Variants in ULK4 observed in about 807,000 individuals in gnomAD.
ULK4 encodes the protein inactive serine/threonine-protein kinase ULK4.
Under a neutral mutation model 160.6 loss-of-function variants are expected in ULK4, and 133 were observed. That is an observed-to-expected ratio of 0.83 (90% CI 0.72 to 0.96). ULK4 has a LOEUF of 0.96. Among genes scored for constraint, ULK4 ranks in the 40% least tolerant of loss-of-function variants. ULK4 has a pLI of 0.00. For synonymous variants in ULK4, 534 were observed against 539.8 expected, an observed-to-expected ratio of 0.99 and a Z score of 0.15; for missense variants, 1,580 against 1,499.5, an observed-to-expected ratio of 1.05 and a Z score of -0.89.
At chr3:41,474,696 T>C (rs1043636046) in intron 32 of ULK4, among the ~76,000 whole-genome samples, 7 of 150,484 alleles carry the variant, frequency 4.7e-5, no homozygotes, top group South Asian at 2.1e-4. Context: ...GGAACTTGAA[T>C]AGACATTTCT....
intron 4 of ULK4, among the ~76,000 whole-genome samples, chr3:41,935,254 G>T (rs1210076439): frequency 7.9e-6 from 1 of 125,860 alleles, no homozygotes; most frequent in Non-Finnish European, 1.6e-5. Flanking sequence ...TTGAGACGGA[G>T]TCTTGCTCTG....
At chr3:41,925,503 CAGG>C (rs1044053501) in intron 5 of ULK4, among the ~76,000 whole-genome samples, 1 of 152,164 alleles carries the variant, frequency 6.6e-6, no homozygotes, top group African/African-American at 2.4e-5. Flanking sequence ...AAGCTAGGTG[CAGG>C]AGTTTTTTTT....
At chr3:41,845,000 C>G (rs2042033330) in intron 17 of ULK4, among the ~76,000 whole-genome samples, 1 of 150,444 alleles carries the variant, frequency 6.6e-6, no homozygotes, top group African/African-American at 2.5e-5. Context: ...GAGTCTCGCC[C>G]TGTTGCCCAG....
At chr3:41,378,501 A>C (rs1010712570) in intron 35 of ULK4, among the ~76,000 whole-genome samples, 1 of 152,066 alleles carries the variant, frequency 6.6e-6, no homozygotes, top group African/African-American at 2.4e-5. Flanking sequence ...ATGAAGCTGG[A>C]AACCATCATT....
At chr3:41,555,038 C>A (rs56859950) in intron 32 of ULK4, among the ~76,000 whole-genome samples, 9,277 of 151,896 alleles carry the variant, frequency 0.061, 841 homozygotes, top group African/African-American at 0.2. Context: ...AAAATTCATG[C>A]ATCAGAGTTA....
rs574100376 is a variant in ULK4, at chr3:41,294,290, G to A, written c.3679-44716C>T. Among the ~76,000 whole-genome samples, 201 of 152,286 alleles carry A rather than the reference G, an allele frequency of 1.3e-3. 1 individual carries two copies. The highest frequency in any genetic ancestry group is 0.01 in the Middle Eastern group (3 of 294). On this transcript the variant is annotated intron_variant, in intron 35 of 36. Coordinates refer to ENST00000301831, the MANE Select transcript of ULK4 (RefSeq NM_017886.4). ...CCCTCTGGAGGATGCAACATTCAAG[G>A]TGCCATCTTGGAAGCAGGGACTGGA...
At chr3:41,950,442 C>T (rs922673990) in intron 2 of ULK4, among the ~76,000 whole-genome samples, 1 of 152,118 alleles carries the variant, frequency 6.6e-6, no homozygotes, top group Non-Finnish European at 1.5e-5. Flanking sequence ...AGGGTTTCAC[C>T]GTGTTGGACA....
chr3:41,627,481 A>AG (rs2125698950), intron 30 of ULK4, among the ~76,000 whole-genome samples: 1 of 152,330 alleles, frequency 6.6e-6, no homozygotes, highest in South Asian at 2.1e-4. Flanking sequence ...TTGAGCCCCC[A>AG]TCCGGCAAGG....
chr3:41,465,967 T>C (rs1271178641), intron 32 of ULK4, among the ~76,000 whole-genome samples: 2 of 152,212 alleles, frequency 1.3e-5, no homozygotes, highest in African/African-American at 4.8e-5. Flanking sequence ...TAGACGAAGA[T>C]AGAAACTACC....
chr3:41,575,336 G>A (rs1183405021), intron 31 of ULK4, among the ~76,000 whole-genome samples: 1 of 152,198 alleles, frequency 6.6e-6, no homozygotes, highest in Non-Finnish European at 1.5e-5. Flanking sequence ...TGCTCTGTTA[G>A]TTGTGCAGCA....
chr3:41,841,342 C>T (rs569992705), intron 17 of ULK4, among the ~76,000 whole-genome samples: 2 of 148,550 alleles, frequency 1.3e-5, no homozygotes, highest in South Asian at 2.1e-4. Flanking sequence ...CGTCTCTGTC[C>T]GGCCACCCCG....
rs567900546 is a variant in ULK4 at position 41,310,999 on chromosome 3, A to T, written c.3679-61425T>A. Among the ~76,000 whole-genome samples the T allele has an allele frequency of 2.3e-4, 35 of 151,584 alleles. 1 individual carries two copies. Among genetic ancestry groups the T allele is most frequent in the South Asian group, 1.2e-3 (6 of 4,812 alleles). On this transcript the variant is annotated intron_variant, in intron 35 of 36. Transcript: ENST00000301831. ...CAGAGGGAGACCTCGTCTCAAAAAA[A>T]AATAATAATAATAAATAAATAAATA... is the stretch of plus-strand genomic sequence containing the variant.
At chr3:41,595,773 AC>A (rs1214013125) in intron 31 of ULK4, among the ~76,000 whole-genome samples, 1 of 152,234 alleles carries the variant, frequency 6.6e-6, no homozygotes, top group African/African-American at 2.4e-5. Flanking sequence ...GTCATTGGTG[AC>A]ATTAAAAAGT....
intron 17 of ULK4, among the ~76,000 whole-genome samples, chr3:41,867,032 T>A (rs1696913019): frequency 1.3e-5 from 2 of 152,232 alleles, no homozygotes; most frequent in Non-Finnish European, 2.9e-5. Flanking sequence ...ATGCAATTTA[T>A]CAATATGAAC....
In ULK4 at chr3:41,486,381, G is replaced by A. The variant is rs763050727; in HGVS notation, c.3227-23128C>T. Among the ~76,000 whole-genome samples, 16 of 152,102 alleles carry A rather than the reference G, an allele frequency of 1.1e-4. 1 individual carries two copies. The highest frequency in any genetic ancestry group is 4.4e-5 in the Non-Finnish European group (3 of 68,018). On this transcript the variant is annotated intron_variant, in intron 32 of 36. Coordinates refer to ENST00000301831, the MANE Select transcript of ULK4 (RefSeq NM_017886.4). ...CCATCAATGAACATTAAAGTGTGCA[G>A]AAATAAACAAAGGTAACCCAAATGA...
chr3:41,625,247 T>C (rs764307990), intron 30 of ULK4, among the ~76,000 whole-genome samples: 1 of 152,196 alleles, frequency 6.6e-6, no homozygotes, highest in Non-Finnish European at 1.5e-5. Context: ...TAGCATAAAA[T>C]GCTTTTCTTT....
chr3:41,616,339 T>C (rs1485239168), intron 30 of ULK4, among the ~76,000 whole-genome samples: 1 of 152,126 alleles, frequency 6.6e-6, no homozygotes, highest in Non-Finnish European at 1.5e-5. Context: ...ATTTGTGACA[T>C]CCAGGGAGGA....
chr3:41,786,907 C>T (rs2040013949), intron 21 of ULK4, among the ~76,000 whole-genome samples: 1 of 152,154 alleles, frequency 6.6e-6, no homozygotes, highest in South Asian at 2.1e-4. Context: ...AATGCATTCA[C>T]TGAGTTGTCT....
At chr3:41,820,781 A>C (rs73079307) in intron 18 of ULK4, among the ~76,000 whole-genome samples, 18,836 of 152,160 alleles carry the variant, frequency 0.12, 1,348 homozygotes, top group Middle Eastern at 0.27. Context: ...ATCTAAAATA[A>C]AGTTGAAATT....
Sources: allele counts gnomAD v4.1 joint callset (sites outside exome capture counted in the v4.1 genomes callset), GRCh38; gene constraint gnomAD v4.1.1; transcripts MANE v1.5; gene names NCBI Gene and HGNC (gene_info 2026-07-23, HGNC 2026-07-21).